ARID1B: variants seen among roughly 807,000 people sequenced by gnomAD.
ARID1B encodes AT-rich interactive domain-containing protein 1B.
ARID1B carries 30 observed loss-of-function variants against 212.3 expected under a neutral mutation model. The observed-to-expected ratio is 0.14, with a 90% CI of 0.11 to 0.19. ARID1B has a LOEUF of 0.19. Among genes scored for constraint, ARID1B ranks in the 10% least tolerant of loss-of-function variants. The pLI, the probability that ARID1B is intolerant of heterozygous loss-of-function variation, is 1.00. For missense variants in ARID1B, 2,891 were observed against 3,204.0 expected, an observed-to-expected ratio of 0.90 and a Z score of 2.36; for synonymous variants, 1,402 against 1,301.7, an observed-to-expected ratio of 1.08 and a Z score of -1.66.
chr6:157,085,013 A>G, intron 5 of ARID1B, 108 bp downstream of exon 5: 1 of 1,359,932 alleles, frequency 7.4e-7, no homozygotes. Flanking sequence ...GTGGCCACAT[A>G]TTAAGAGTAT....
chr6:157,158,497 G>A (rs1282686736), intron 8 of ARID1B, among the ~76,000 whole-genome samples: 2 of 152,218 alleles, frequency 1.3e-5, no homozygotes, highest in African/African-American at 4.8e-5. Context: ...ATGAGAGTTA[G>A]ATAGAACGCA....
chr6:157,196,109 G>C (rs2128355351), intron 15 of ARID1B, 56 bp from the exon 16 acceptor site: 3 of 1,586,214 alleles, frequency 1.9e-6, no homozygotes, highest in Non-Finnish European at 1.7e-6. Context: ...AGGGATGGAT[G>C]GGCCTTTGAC....
intron 1 of ARID1B, among the ~76,000 whole-genome samples, chr6:156,811,571 C>G (rs1280478991): frequency 2.6e-5 from 4 of 152,172 alleles, no homozygotes; most frequent in African/African-American, 9.7e-5. Flanking sequence ...TAGCTGCCAC[C>G]TCTCTGTGTG....
intron 4 of ARID1B, among the ~76,000 whole-genome samples, chr6:156,990,421 T>C (rs1429855939): frequency 6.6e-6 from 1 of 151,980 alleles, no homozygotes; most frequent in East Asian, 1.9e-4. Context: ...GGCAGGCGGA[T>C]CACAAGGTCA....
At chr6:157,077,915 C>T (rs1343896340) in intron 4 of ARID1B, among the ~76,000 whole-genome samples, 1 of 152,166 alleles carries the variant, frequency 6.6e-6, no homozygotes, top group East Asian at 1.9e-4. Flanking sequence ...ACAAAAATAC[C>T]TTTCCTCACA....
chr6:157,097,713 G>A (rs979497805), intron 5 of ARID1B, among the ~76,000 whole-genome samples: 2 of 152,220 alleles, frequency 1.3e-5, no homozygotes, highest in African/African-American at 4.8e-5. Context: ...GCACAGAGCA[G>A]CGATCAAGTG....
At chr6:157,062,910 A>G (rs1362012555) in intron 4 of ARID1B, among the ~76,000 whole-genome samples, 1 of 151,656 alleles carries the variant, frequency 6.6e-6, no homozygotes, top group Non-Finnish European at 1.5e-5. Context: ...TCACCATGTT[A>G]GCTAGGCTGG....
At chr6:156,898,785 A>C (rs913803427) in intron 2 of ARID1B, among the ~76,000 whole-genome samples, 38 of 152,182 alleles carry the variant, frequency 2.5e-4, no homozygotes, top group African/African-American at 8.7e-4. Flanking sequence ...CAGCCTGACC[A>C]ACATGGAGAA....
At chr6:157,103,084 CAT>C (rs1786188642) in intron 5 of ARID1B, among the ~76,000 whole-genome samples, 1 of 152,182 alleles carries the variant, frequency 6.6e-6, no homozygotes, top group Admixed American at 6.5e-5. Context: ...GAACAGAAAA[CAT>C]ATGGCCTGTG....
chr6:157,126,237 A>G (rs896177310), intron 6 of ARID1B, among the ~76,000 whole-genome samples: 1 of 152,106 alleles, frequency 6.6e-6, no homozygotes, highest in East Asian at 1.9e-4. Context: ...GATTTTTCTT[A>G]TTTGACTCTC....
At chr6:157,098,819 G>A (rs938196546) in intron 5 of ARID1B, among the ~76,000 whole-genome samples, 5 of 152,132 alleles carry the variant, frequency 3.3e-5, no homozygotes, top group Non-Finnish European at 5.9e-5. Flanking sequence ...TGTGCCAGCC[G>A]CCACCCTGAG....
At chr6:157,104,276 G>A (rs1181808555) in intron 5 of ARID1B, among the ~76,000 whole-genome samples, 1 of 152,220 alleles carries the variant, frequency 6.6e-6, no homozygotes, top group African/African-American at 2.4e-5. Flanking sequence ...ATGGTAAAAT[G>A]TATATGCTTT....
intron 13 of ARID1B, among the ~76,000 whole-genome samples, chr6:157,187,175 G>C (rs112408283): frequency 1.3e-5 from 2 of 152,258 alleles, no homozygotes; most frequent in African/African-American, 2.4e-5. Flanking sequence ...AATGAGCGCT[G>C]TAGGAAGCAC....
chr6:157,068,361 C>A (rs1003019737), intron 4 of ARID1B, among the ~76,000 whole-genome samples: 4 of 152,164 alleles, frequency 2.6e-5, no homozygotes, highest in African/African-American at 9.7e-5. Flanking sequence ...AGGTAGCTGT[C>A]TTCAGCTGAA....
intron 2 of ARID1B, chr6:156,871,502 G>T: frequency 1.1e-6 from 1 of 872,938 alleles, no homozygotes; most frequent in East Asian, 2.6e-5. Flanking sequence ...GGTTTTCTTG[G>T]AGTGATTAAG....
chr6:157,046,271 C>G (rs1782237837), intron 4 of ARID1B, among the ~76,000 whole-genome samples: 1 of 152,016 alleles, frequency 6.6e-6, no homozygotes, highest in South Asian at 2.1e-4. Context: ...ACTGTGAGGC[C>G]AAAACATATG....
rs558572819 is a variant in ARID1B at position 156,795,291 on chromosome 6, C to T, written c.1791+15820C>T. Among the ~76,000 whole-genome samples the T allele has an allele frequency of 7.9e-5, 12 of 151,932 alleles. No individual in the cohort carries two copies. The South Asian group carries it at 1.3e-3, about 16-fold the overall frequency. On this transcript the variant is annotated intron_variant, in intron 1 of 19. Coordinates refer to ENST00000636930, the MANE Select transcript of ARID1B (RefSeq NM_001374828.1). ...GGTGTCTCAGATTCGCTGGGGTTTACGAGTCCAGAAATCCATGAGTCCGAG... is the reference window on the plus strand; with the variant it reads ...GGTGTCTCAGATTCGCTGGGGTTTATGAGTCCAGAAATCCATGAGTCCGAG...
intron 1 of ARID1B, 143 bp downstream of exon 1, chr6:156,779,614 G>A: frequency 1.1e-6 from 1 of 887,074 alleles, no homozygotes; most frequent in Non-Finnish European, 1.4e-6. Context: ...CTTGACGGGC[G>A]GCCGCCTCCC....
At chr6:157,196,341 T>C (rs2128357846) in intron 16 of ARID1B, 26 bp downstream of exon 16, 2 of 1,579,644 alleles carry the variant, frequency 1.3e-6, no homozygotes, top group Non-Finnish European at 1.7e-6. Flanking sequence ...GATGACAATA[T>C]GATGATTTAC....
Sources: gnomAD v4.1 joint callset for allele counts (sites outside exome capture counted in the v4.1 genomes callset) on GRCh38, gnomAD v4.1.1 for gene constraint, MANE v1.5 for transcripts, NCBI Gene and HGNC (gene_info 2026-07-23, HGNC 2026-07-21) for gene names.